ADAMTS7: variants seen among roughly 807,000 people sequenced by gnomAD.
ADAMTS7 encodes A disintegrin and metalloproteinase with thrombospondin motifs 7.
A neutral mutation model predicts 172.6 loss-of-function variants in ADAMTS7; 89 were observed. The observed-to-expected ratio is 0.52, with a 90% confidence interval of 0.43 to 0.61. The LOEUF (loss-of-function observed/expected upper bound fraction) is 0.61, where lower values mean the gene tolerates loss of function less well. Ranked by LOEUF, ADAMTS7 falls within the 20% of genes least tolerant of loss-of-function variation. The pLI is 0.00. For synonymous variants in ADAMTS7, 885 were observed against 978.4 expected, an observed-to-expected ratio of 0.90 and a Z score of 1.78; for missense variants, 1,973 against 2,355.6, an observed-to-expected ratio of 0.84 and a Z score of 3.36.
intron 8 of ADAMTS7, among the ~76,000 whole-genome samples, chr15:78,778,065 C>T (rs2141493335): frequency 6.6e-6 from 1 of 152,346 alleles, no homozygotes. Context: ...GTCTGGAAAG[C>T]AGCCCCTCCC....
At position 78,766,476 on chromosome 15, in the gene ADAMTS7, T is replaced by A; in HGVS notation, c.3435A>T (p.Ser1145=). ...SQAGRSPPPP[S]EQTPGNPLIN... is the part of the protein sequence containing the mutation. The stretch of plus-strand genomic sequence containing the variant: ...TCAAAGGGTTCCCAGGGGTCTGCTC[T>A]GAGGGTGGGGGTGGGGAGCGGCCGG... The change falls in exon 19 of 24, where the codon TCA becomes TCT. Residue 1145 remains serine (S), a synonymous_variant. Coordinates refer to ENST00000388820, the MANE Select transcript of ADAMTS7 (RefSeq NM_014272.5). 2 of 675,144 alleles carry A rather than the reference T, an allele frequency of 3.0e-6. No homozygotes were observed. The highest frequency in any genetic ancestry group is 4.2e-6 in the Non-Finnish European group (2 of 471,690). 41.8% of individuals were successfully genotyped at this position (675,144 alleles called of 1,614,324 possible). A position where few individuals can be genotyped will look rare whatever the true frequency, so the allele number is the denominator to read the frequency against.
intron 1 of ADAMTS7, among the ~76,000 whole-genome samples, chr15:78,807,493 G>A (rs764523797): frequency 6.6e-6 from 1 of 152,214 alleles, no homozygotes; most frequent in Non-Finnish European, 1.5e-5. Context: ...TGCCGCAGGT[G>A]AAAAGCATTC....
rs775057855 is a variant in ADAMTS7, at chr15:78,800,292, G to A, written c.356C>T (p.Ala119Val). 2 of 1,591,006 alleles carry A rather than the reference G, an allele frequency of 1.3e-6. No homozygotes were observed. The highest frequency in any genetic ancestry group is 2.2e-5 in the South Asian group (2 of 90,016). The change falls in exon 2 of 24, where the codon GCG (alanine) becomes GTG (valine). Residue 119 changes from alanine (A) to valine (V), a missense_variant. Transcript: ENST00000388820. Reference protein sequence around the residue: ...ETRRRGGLGRAHIRAHTPACH... With the variant: ...ETRRRGGLGRVHIRAHTPACH... ...GGCCGGGGTGTGGGCCCGGATGTGCGCGCGGCCCAGGCCGCCGCGCCGCCG... is the reference window on the plus strand; with the variant it reads ...GGCCGGGGTGTGGGCCCGGATGTGCACGCGGCCCAGGCCGCCGCGCCGCCG...
intron 8 of ADAMTS7, among the ~76,000 whole-genome samples, chr15:78,784,406 G>A (rs1291467746): frequency 9.2e-5 from 10 of 108,270 alleles, no homozygotes; most frequent in Non-Finnish European, 1.9e-4. Flanking sequence ...GAGAGGAAGA[G>A]GGGGGAGGGA....
At chr15:78,797,665 G>A (rs531625218) in intron 3 of ADAMTS7, among the ~76,000 whole-genome samples, 3 of 152,366 alleles carry the variant, frequency 2.0e-5, no homozygotes, top group South Asian at 2.1e-4. Context: ...GGCTGTTGGC[G>A]GGGAGGGAGC....
chr15:78,804,567 G>A lies in ADAMTS7; in HGVS notation c.101-4020C>T, dbSNP rs373299872. ...CCGAAGCTCCATCCCAGCAGGCTGC[G>A]GAAACCAAACTTGCCCTCCAGTCTG... On this transcript the variant is annotated intron_variant, in intron 1 of 23. Coordinates refer to ENST00000388820, the MANE Select transcript of ADAMTS7 (RefSeq NM_014272.5). Among the ~76,000 whole-genome samples the A allele has an allele frequency of 7.2e-5, 11 of 152,304 alleles. No individual in the cohort carries two copies. The East Asian group carries it at 1.4e-3, about 19-fold the overall frequency.
At chr15:78,765,479 C>T (rs1048320367) in intron 19 of ADAMTS7, among the ~76,000 whole-genome samples, 166 bp downstream of exon 19, 25 of 152,206 alleles carry the variant, frequency 1.6e-4, no homozygotes, top group African/African-American at 5.3e-4. Flanking sequence ...CCTGTGCTGC[C>T]CAGGAATGGG....
chr15:78,770,377 A>C (rs899570455), intron 16 of ADAMTS7, among the ~76,000 whole-genome samples: 7 of 149,444 alleles, frequency 4.7e-5, no homozygotes, highest in East Asian at 2.0e-4. Context: ...GAGTGTCAAC[A>C]ATGGGAAGAC....
chr15:78,777,037 G>A, intron 9 of ADAMTS7, 196 bp from the exon 10 acceptor site: 1 of 597,148 alleles, frequency 1.7e-6, no homozygotes. Context: ...GGCGCCCGGG[G>A]CTGCGCTGCT....
At chr15:78,790,824 C>T (rs2055569879) in intron 5 of ADAMTS7, 30 bp from the exon 6 acceptor site, 2 of 1,611,086 alleles carry the variant, frequency 1.2e-6, no homozygotes, top group East Asian at 4.5e-5. Flanking sequence ...CTGCTCATGC[C>T]TCCCCTGAGT....
intron 14 of ADAMTS7, among the ~76,000 whole-genome samples, chr15:78,772,879 G>A (rs1458758038): frequency 6.6e-6 from 1 of 152,252 alleles, no homozygotes; most frequent in Non-Finnish European, 1.5e-5. Flanking sequence ...TCTGGGACAG[G>A]AGGACTCCCC....
rs2055866621 is a variant in ADAMTS7, at chr15:78,811,448, G to A, written c.-228C>T. On this transcript the variant is annotated 5_prime_UTR_variant, in exon 1 of 24. Coordinates refer to ENST00000388820, the MANE Select transcript of ADAMTS7 (RefSeq NM_014272.5). ...AAAGAAAAGACAAGAGAGCTAGAAG[G>A]AGAGAAAGAAAGAAAGAAAGAAAGG... The A allele has an allele frequency of 5.4e-6, 2 of 367,638 alleles. No homozygotes were observed. Among genetic ancestry groups the A allele is most frequent in the Admixed American group, 4.7e-5 (1 of 21,136 alleles). 22.8% of individuals were successfully genotyped at this position (367,638 alleles called of 1,614,324 possible).
chr15:78,783,445 AT>A (rs71148563), intron 8 of ADAMTS7, among the ~76,000 whole-genome samples: 48,252 of 145,648 alleles, frequency 0.33, 8,735 homozygotes, highest in Non-Finnish European at 0.44. Context: ...AATTTTTTGT[AT>A]TTTTTTTTTT....
chr15:78,776,417 A>T, intron 10 of ADAMTS7, 84 bp from the exon 11 acceptor site: 1 of 1,514,448 alleles, frequency 6.6e-7, no homozygotes, highest in Non-Finnish European at 8.9e-7. Context: ...GTGGGTGGGA[A>T]GGCTGCGAAA....
At chr15:78,772,553 C>T (rs2055268336) in intron 14 of ADAMTS7, among the ~76,000 whole-genome samples, 1 of 152,202 alleles carries the variant, frequency 6.6e-6, no homozygotes, top group Non-Finnish European at 1.5e-5. Flanking sequence ...TTTTATGATT[C>T]AGCTCGACTT....
intron 16 of ADAMTS7, 164 bp downstream of exon 16, chr15:78,770,998 A>G (rs546813029): frequency 1.8e-5 from 17 of 962,092 alleles, no homozygotes; most frequent in African/African-American, 1.1e-4. Flanking sequence ...CGGGCCTGGG[A>G]CACAGGGCAA....
At position 78,766,843 on chromosome 15, in the gene ADAMTS7, G is replaced by A. The variant is rs746217537; in HGVS notation, c.3068C>T (p.Pro1023Leu). The A allele has an allele frequency of 3.9e-5, 63 of 1,610,064 alleles. 1 individual carries two copies. Among genetic ancestry groups the A allele is most frequent in the South Asian group, 3.4e-4 (31 of 90,936 alleles). ...TGAAGGGCGTGGGGCCAGGTGGTGC[G>A]GGATGAAGTCAGCCTCGTTGAAGAG... ...HELFNEADFI[P>L]HHLAPRPSPA... is the part of the protein sequence containing the mutation. The change falls in exon 19 of 24, where the codon CCG becomes CTG. Residue 1023 changes from proline to leucine, a missense_variant. Transcript: ENST00000388820.
intron 19 of ADAMTS7, among the ~76,000 whole-genome samples, chr15:78,765,276 G>T (rs1297413338): frequency 6.6e-6 from 1 of 152,286 alleles, no homozygotes; most frequent in African/African-American, 2.4e-5. Flanking sequence ...ACTGAGGGCA[G>T]AGCCAGGTGG....
rs767014424 is a variant in ADAMTS7, at chr15:78,788,266, G to T, written c.1287C>A (p.Ser429=). ...LLYDAAPLTW[S]RCSRQYITRF... is the part of the protein sequence containing the mutation. ...TGGTGATATACTGGCGGCTGCAGCG[G>T]GACCAGGTGAGGGGAGCGGCGTCGT... Residue 429 remains serine (S), a synonymous_variant, in exon 8 of 24, where the codon TCC becomes TCA. Coordinates refer to ENST00000388820, the MANE Select transcript of ADAMTS7 (RefSeq NM_014272.5). 5.0e-6 allele frequency: 8 copies of T among 1,613,832 alleles called. No homozygotes were observed. The South Asian group carries it at 6.6e-5, about 13-fold the overall frequency.
Sources: gnomAD v4.1 joint callset for allele counts (sites outside exome capture counted in the v4.1 genomes callset) on GRCh38, gnomAD v4.1.1 for gene constraint, MANE v1.5 for transcripts, NCBI Gene and HGNC (gene_info 2026-07-23, HGNC 2026-07-21) for gene names.